Variants in UBE2D4 observed in about 807,000 individuals in gnomAD.
The protein encoded by UBE2D4 is ubiquitin conjugating enzyme E2 D4.
UBE2D4 carries 17 observed loss-of-function variants against 23.0 expected under a neutral mutation model. That is an observed-to-expected ratio of 0.74 (90% CI 0.51 to 1.11). The LOEUF (loss-of-function observed/expected upper bound fraction) is 1.11, where lower values mean the gene tolerates loss of function less well. Ranked by LOEUF, UBE2D4 falls within the 50% of genes least tolerant of loss-of-function variation. The probability of loss-of-function intolerance (pLI) is 0.00; values close to 1 mark genes in which losing one functional copy is unlikely to be tolerated. For missense variants in UBE2D4, 139 were observed against 181.8 expected (o/e 0.76, Z 1.35); for synonymous variants, 61 against 69.4 (o/e 0.88, Z 0.60).
intron 1 of UBE2D4, among the ~76,000 whole-genome samples, chr7:43,932,081 C>T (rs1005781491): frequency 1.3e-5 from 2 of 152,086 alleles, no homozygotes; most frequent in African/African-American, 4.8e-5. Context: ...CTCTGCCTCC[C>T]AGGTTCACAC....
chr7:43,933,104 T>TAA (rs1452689054), intron 1 of UBE2D4, among the ~76,000 whole-genome samples: 6 of 148,884 alleles, frequency 4.0e-5, no homozygotes, highest in Non-Finnish European at 7.4e-5. Context: ...TGTATATATA[T>TAA]AACATATATA....
intron 1 of UBE2D4, 47 bp downstream of exon 1, chr7:43,926,603 A>C: frequency 6.5e-7 from 1 of 1,531,634 alleles, no homozygotes; most frequent in South Asian, 1.2e-5. Context: ...CGAAGCGTCG[A>C]GGTGTGGGCG....
At position 43,952,577 on chromosome 7, in the gene UBE2D4, G is replaced by A. The variant is rs2096005299; in HGVS notation, c.399-73G>A. ...CAGCAGCATTCCCCACATCAGTCCT[G>A]TTCTCTGCAGCACATTGAAGGGAAG... On this transcript the variant is annotated intron_variant, in intron 6 of 6. Transcript: ENST00000222402. 5.9e-6 allele frequency: 8 copies of A among 1,351,454 alleles called. No homozygotes were observed. In the Admixed American group the frequency reaches 1.2e-4, roughly 20 times the overall value. The allele number at this position is 1,351,454 out of a possible 1,614,324, so 83.7% of individuals were successfully genotyped here. A position where few individuals can be genotyped will look rare whatever the true frequency, so the allele number is the denominator to read the frequency against.
chr7:43,945,181 T>C (rs1175666749), intron 4 of UBE2D4, among the ~76,000 whole-genome samples: 1 of 152,014 alleles, frequency 6.6e-6, no homozygotes, highest in East Asian at 1.9e-4. Flanking sequence ...TTAGTAAAGA[T>C]GGGGTTTTGC....
chr7:43,935,149 T>C (rs1178145272), intron 1 of UBE2D4, among the ~76,000 whole-genome samples: 1 of 152,222 alleles, frequency 6.6e-6, no homozygotes, highest in Non-Finnish European at 1.5e-5. Context: ...ATTGTTTCAC[T>C]TGTTCCTCAC....
Position 43,926,460 on chromosome 7 carries a change from G to A in UBE2D4, c.-73G>A, listed in dbSNP as rs1585846949. ...TGCGGCTCCCGGCGTGCAGCTTGGT[G>A]GCGGCTGAGCCGGCAGCGGGCCGCC... On this transcript the variant is annotated 5_prime_UTR_variant, in exon 1 of 7. Coordinates refer to ENST00000222402, the MANE Select transcript of UBE2D4 (RefSeq NM_015983.4). The A allele has an allele frequency of 2.2e-6, 3 of 1,350,416 alleles. No homozygotes were observed. The highest frequency in any genetic ancestry group is 6.4e-5 in the East Asian group (2 of 31,146). The allele number at this position is 1,350,416 out of a possible 1,614,324, so 83.7% of individuals were successfully genotyped here. A position where few individuals can be genotyped will look rare whatever the true frequency, so the allele number is the denominator to read the frequency against.
At chr7:43,937,095 G>A (rs966922526) in intron 1 of UBE2D4, among the ~76,000 whole-genome samples, 2 of 152,176 alleles carry the variant, frequency 1.3e-5, no homozygotes, top group Non-Finnish European at 2.9e-5. Flanking sequence ...CTCTAAAGGG[G>A]GAACATGGAT....
intron 2 of UBE2D4, among the ~76,000 whole-genome samples, chr7:43,939,739 TC>T (rs1162322901): frequency 6.6e-6 from 1 of 152,106 alleles, no homozygotes; most frequent in Non-Finnish European, 1.5e-5. Context: ...CATGAAAACA[TC>T]CCAAGTGAAA....
intron 4 of UBE2D4, among the ~76,000 whole-genome samples, chr7:43,945,485 A>G (rs1312874372): frequency 1.3e-5 from 2 of 152,176 alleles, no homozygotes; most frequent in East Asian, 3.8e-4. Flanking sequence ...TTTTCTGACA[A>G]TAGGAGGAAT....
chr7:43,954,251 G>T lies in UBE2D4; in HGVS notation c.*1556G>T. On this transcript the variant is annotated 3_prime_UTR_variant, in exon 7 of 7. Transcript: ENST00000222402. ...TGTGGCTGCATCTCACCATGTTGAG[G>T]ATTGCCTTTTTTTTTTTTTTTTTTT... 1 of 145,582 alleles carries T rather than the reference G, an allele frequency of 6.9e-6. No homozygotes were observed. The highest frequency in any genetic ancestry group is 1.5e-5 in the Non-Finnish European group (1 of 66,976). 9.0% of individuals were successfully genotyped at this position (145,582 alleles called of 1,614,324 possible).
At position 43,926,450 on chromosome 7, in the gene UBE2D4, G is replaced by GC; in HGVS notation, c.-82dup. 1 of 1,263,332 alleles carries GC rather than the reference G, an allele frequency of 7.9e-7. No homozygotes were observed. Among genetic ancestry groups the GC allele is most frequent in the Non-Finnish European group, 1.0e-6 (1 of 974,294 alleles). 78.3% of individuals were successfully genotyped at this position (1,263,332 alleles called of 1,614,324 possible). ...AAGCGCAGGCTGCGGCTCCCGGCGT[G>GC]CAGCTTGGTGGCGGCTGAGCCGGCA... On this transcript the variant is annotated 5_prime_UTR_variant, in exon 1 of 7. Transcript: ENST00000222402.
intron 4 of UBE2D4, chr7:43,943,716 A>G: frequency 6.5e-6 from 1 of 153,878 alleles, no homozygotes; most frequent in Non-Finnish European, 1.4e-5. Context: ...GGAGAAGCCC[A>G]GGGAGCTGCC....
chr7:43,950,482 G>A (rs1054872169), intron 5 of UBE2D4, 117 bp from the exon 6 acceptor site: 3 of 758,650 alleles, frequency 4.0e-6, no homozygotes, highest in East Asian at 5.4e-5. Flanking sequence ...AGATTGGGCT[G>A]TTGAAGGGAA....
rs1184959157 is a variant in UBE2D4 at position 43,953,219 on chromosome 7, T to C, written c.*524T>C. 2.2e-6 allele frequency: 1 copy of C among 456,612 alleles called. No individual in the cohort carries two copies. The highest frequency in any genetic ancestry group is 4.4e-6 in the Non-Finnish European group (1 of 226,988). 28.3% of individuals were successfully genotyped at this position (456,612 alleles called of 1,614,324 possible). On this transcript the variant is annotated 3_prime_UTR_variant, in exon 7 of 7. Transcript: ENST00000222402. ...ATCCTGGAGGGAATTGGGAACAGTGTCACTGGGAAGTGAAGGCCTAGCCCT... is the reference window on the plus strand; with the variant it reads ...ATCCTGGAGGGAATTGGGAACAGTGCCACTGGGAAGTGAAGGCCTAGCCCT...
chr7:43,935,809 C>T (rs1254022329), intron 1 of UBE2D4, among the ~76,000 whole-genome samples: 1 of 152,180 alleles, frequency 6.6e-6, no homozygotes, highest in Non-Finnish European at 1.5e-5. Flanking sequence ...ACTGGAATGT[C>T]ACAATACATA....
rs141091571 is a variant in UBE2D4 at position 43,954,991 on chromosome 7, G to A, written c.*2296G>A. On this transcript the variant is annotated 3_prime_UTR_variant, in exon 7 of 7. Transcript: ENST00000222402. ...CTCTCTCTGTTGGATATACATAATAGAGAAAGTCAAATCAGCCCTTTGGGG... is the reference window on the plus strand; with the variant it reads ...CTCTCTCTGTTGGATATACATAATAAAGAAAGTCAAATCAGCCCTTTGGGG... 5 of 152,304 alleles carry A rather than the reference G, an allele frequency of 3.3e-5. No individual in the cohort carries two copies. The East Asian group carries it at 9.6e-4, about 29-fold the overall frequency. The allele number at this position is 152,304 out of a possible 1,614,324, so 9.4% of individuals were successfully genotyped here.
In UBE2D4 at chr7:43,955,651, A is replaced by AAGAC. The variant is rs973507536; in HGVS notation, c.*2957_*2960dup. The AAGAC allele has an allele frequency of 1.3e-5, 2 of 152,214 alleles. No homozygotes were observed. Among genetic ancestry groups the AAGAC allele is most frequent in the Non-Finnish European group, 2.9e-5 (2 of 68,048 alleles). The allele number at this position is 152,214 out of a possible 1,614,324, so 9.4% of individuals were successfully genotyped here. A position where few individuals can be genotyped will look rare whatever the true frequency, so the allele number is the denominator to read the frequency against. ...CTTAAGTGCCAGAGAAGGTGCTTCC[A>AAGAC]AGACTGTCTGCAGAATTCCTTTCCT... is the stretch of plus-strand genomic sequence containing the variant. On this transcript the variant is annotated 3_prime_UTR_variant, in exon 7 of 7. Transcript: ENST00000222402.
At chr7:43,937,907 A>G (rs1444336132) in intron 1 of UBE2D4, among the ~76,000 whole-genome samples, 2 of 152,168 alleles carry the variant, frequency 1.3e-5, no homozygotes, top group Non-Finnish European at 2.9e-5. Flanking sequence ...CCACATAACC[A>G]GTGGTGACTA....
intron 4 of UBE2D4, chr7:43,943,368 G>A (rs1041027472): frequency 8.6e-5 from 34 of 395,308 alleles, no homozygotes; most frequent in Middle Eastern, 1.4e-3. Flanking sequence ...GTTCTCAGCC[G>A]GGGTGATTTT....
Sources: allele counts gnomAD v4.1 joint callset (sites outside exome capture counted in the v4.1 genomes callset), GRCh38; gene constraint gnomAD v4.1.1; transcripts MANE v1.5; gene names NCBI Gene and HGNC (gene_info 2026-07-23, HGNC 2026-07-21).